Variants in JAK1 observed in about 807,000 individuals in gnomAD.
The protein encoded by JAK1 is tyrosine-protein kinase JAK1.
A neutral mutation model predicts 136.6 loss-of-function variants in JAK1; 16 were observed. That is an observed-to-expected ratio of 0.12 (90% CI 0.08 to 0.18). The LOEUF (loss-of-function observed/expected upper bound fraction) is 0.18. Ranked by LOEUF, JAK1 falls within the 10% of genes least tolerant of loss-of-function variation. The pLI, the probability that JAK1 is intolerant of heterozygous loss-of-function variation, is 1.00. For missense variants in JAK1, 859 were observed against 1,450.1 expected, an observed-to-expected ratio of 0.59 and a Z score of 6.62; for synonymous variants, 492 against 519.5, an observed-to-expected ratio of 0.95 and a Z score of 0.72.
At chr1:65,007,449 TTTTTG>T (rs749700849) in intron 2 of JAK1, among the ~76,000 whole-genome samples, 6 of 152,026 alleles carry the variant, frequency 3.9e-5, no homozygotes, top group Non-Finnish European at 8.8e-5. Flanking sequence ...TCTTTGTTGT[TTTTTG>T]TTTTGTTTTG....
intron 2 of JAK1, among the ~76,000 whole-genome samples, chr1:65,018,487 AACACACACACACAC>A (rs556710090): frequency 2.1e-5 from 2 of 96,042 alleles, no homozygotes; most frequent in African/African-American, 1.0e-4. Flanking sequence ...AGAGAGAGAG[AACACACACACACAC>A]ACACACACAC....
In JAK1 at chr1:65,047,580, G is replaced by A. The variant is rs535350428; in HGVS notation, c.-180-2998C>T. On this transcript the variant is annotated intron_variant, in intron 1 of 25. Transcript: ENST00000671954. The stretch of plus-strand genomic sequence containing the variant: ...AAAAATACAAAACAATTAGCCGGGC[G>A]TGGTGGCAGGTGCGTGTAGTCCCAG... 2.6e-4 allele frequency among the ~76,000 whole-genome samples: 39 copies of A among 152,194 alleles called. No individual in the cohort carries two copies. In the South Asian group the frequency reaches 7.1e-3, roughly 28 times the overall value.
intron 6 of JAK1, among the ~76,000 whole-genome samples, chr1:64,868,203 C>T (rs982615246): frequency 1.3e-5 from 2 of 152,146 alleles, no homozygotes; most frequent in Non-Finnish European, 2.9e-5. Context: ...TCTAAACAAG[C>T]TGATATACTG....
At chr1:65,052,845 G>C (rs1647343738) in intron 1 of JAK1, among the ~76,000 whole-genome samples, 1 of 121,060 alleles carries the variant, frequency 8.3e-6, no homozygotes, top group Non-Finnish European at 1.6e-5. Context: ...CTGGGTGTCA[G>C]AGCGAGACTC....
intron 2 of JAK1, among the ~76,000 whole-genome samples, chr1:65,010,410 T>A (rs1011841650): frequency 6.6e-6 from 1 of 152,082 alleles, no homozygotes; most frequent in African/African-American, 2.4e-5. Flanking sequence ...GGCCTATGTG[T>A]TGAGAAACTG....
At chr1:65,044,895 A>T (rs1647170851) in intron 1 of JAK1, among the ~76,000 whole-genome samples, 6 of 152,196 alleles carry the variant, frequency 3.9e-5, no homozygotes, top group Admixed American at 3.9e-4. Context: ...ATAACAATGA[A>T]CTGTTGCCCA....
chr1:64,845,942 G>C (rs1473177192), intron 14 of JAK1, among the ~76,000 whole-genome samples: 1 of 152,212 alleles, frequency 6.6e-6, no homozygotes. Flanking sequence ...GCCTGACACA[G>C]AGAACAAGGG....
chr1:64,916,140 CAT>C (rs1420517790), intron 1 of JAK1, among the ~76,000 whole-genome samples: 2 of 152,162 alleles, frequency 1.3e-5, no homozygotes, highest in African/African-American at 4.8e-5. Context: ...CCAAGGTAAA[CAT>C]ATGTCTGAGG....
intron 1 of JAK1, among the ~76,000 whole-genome samples, chr1:64,914,827 G>A (rs1645364739): frequency 6.6e-6 from 1 of 152,174 alleles, no homozygotes; most frequent in South Asian, 2.1e-4. Flanking sequence ...GCCTCCCAAA[G>A]TGCTAGGATT....
chr1:65,041,206 G>A (rs1420586217), intron 2 of JAK1, among the ~76,000 whole-genome samples: 1 of 152,184 alleles, frequency 6.6e-6, no homozygotes, highest in Non-Finnish European at 1.5e-5. Flanking sequence ...TATTACCGTG[G>A]CGAGGAGACC....
At position 64,834,414 on chromosome 1, in the gene JAK1, TAC is replaced by T; in HGVS notation, c.*146_*147del. On this transcript the variant is annotated 3_prime_UTR_variant, in exon 25 of 25. Coordinates refer to ENST00000342505, the MANE Select transcript of JAK1 (RefSeq NM_002227.4). ...ATATTAAGCACTACAGTGTGCCTTA[TAC>T]ATGTATATGTACTGAAGTATGAGTT... is the stretch of plus-strand genomic sequence containing the variant. 1.7e-6 allele frequency: 1 copy of T among 598,014 alleles called. No homozygotes were observed. Among genetic ancestry groups the T allele is most frequent in the Non-Finnish European group, 3.0e-6 (1 of 329,136 alleles). 37.0% of individuals were successfully genotyped at this position (598,014 alleles called of 1,614,324 possible).
intron 1 of JAK1, among the ~76,000 whole-genome samples, chr1:64,955,372 AG>A (rs1569718678): frequency 6.6e-6 from 1 of 152,196 alleles, no homozygotes; most frequent in African/African-American, 2.4e-5. Flanking sequence ...GGAAGAGACC[AG>A]GGACATTTGA....
chr1:64,961,473 G>A lies in JAK1; in HGVS notation c.-78+4860C>T, dbSNP rs906347929. On this transcript the variant is annotated intron_variant, in intron 1 of 24. Transcript: ENST00000342505. ...GGCTTCTCATCTTCCCCACTCATTC[G>A]TTCAACAGAGGCCTCAGTCCCTAAC... Among the ~76,000 whole-genome samples the A allele has an allele frequency of 1.5e-4, 23 of 152,060 alleles. 1 individual carries two copies. The highest frequency in any genetic ancestry group is 1.4e-3 in the Admixed American group (21 of 15,260).
chr1:65,021,450 C>G (rs1244231139), intron 2 of JAK1, among the ~76,000 whole-genome samples: 1 of 152,184 alleles, frequency 6.6e-6, no homozygotes, highest in Admixed American at 6.5e-5. Context: ...TTGTCCCAGG[C>G]TACTTGTCCC....
chr1:64,954,389 C>T (rs1646145624), intron 1 of JAK1, among the ~76,000 whole-genome samples: 1 of 152,172 alleles, frequency 6.6e-6, no homozygotes, highest in Admixed American at 6.5e-5. Context: ...TGCCCGTGCC[C>T]ACTCTCCTCC....
intron 1 of JAK1, among the ~76,000 whole-genome samples, chr1:64,906,625 G>A (rs1345696027): frequency 1.3e-5 from 2 of 152,162 alleles, no homozygotes; most frequent in African/African-American, 2.4e-5. Flanking sequence ...GCCATTCTCA[G>A]TCACTATCAT....
intron 1 of JAK1, among the ~76,000 whole-genome samples, chr1:64,948,916 C>A (rs1425269270): frequency 2.0e-5 from 3 of 152,114 alleles, no homozygotes; most frequent in African/African-American, 7.2e-5. Context: ...TTCTTGCAGT[C>A]TCTAAGGCTG....
chr1:65,014,301 C>T (rs1272762754), intron 2 of JAK1, among the ~76,000 whole-genome samples: 2 of 150,942 alleles, frequency 1.3e-5, no homozygotes, highest in Non-Finnish European at 2.9e-5. Context: ...AATTCACATA[C>T]TCAAGAGGCC....
chr1:64,928,785 A>AAAAAAAAAC (rs1553169983), intron 1 of JAK1, among the ~76,000 whole-genome samples: 2 of 121,004 alleles, frequency 1.7e-5, no homozygotes, highest in East Asian at 4.0e-4. Context: ...CTGCAAAAAA[A>AAAAAAAAAC]AAAAAAAAAA....
Sources: gnomAD v4.1 joint callset for allele counts (sites outside exome capture counted in the v4.1 genomes callset) on GRCh38, gnomAD v4.1.1 for gene constraint, MANE v1.5 for transcripts, NCBI Gene and HGNC (gene_info 2026-07-23, HGNC 2026-07-21) for gene names.